Variants in FOCAD observed in about 807,000 individuals in gnomAD.
The protein encoded by FOCAD is focadhesin.
Under a neutral mutation model 225.6 loss-of-function variants are expected in FOCAD, and 198 were observed. The ratio of observed to expected loss-of-function variants is 0.88; its 90% CI spans 0.78 to 0.99. The LOEUF is 0.99. Ranked by LOEUF, FOCAD falls within the 50% of genes least tolerant of loss-of-function variation. FOCAD has a pLI of 0.00. For synonymous variants in FOCAD, 897 were observed against 755.0 expected, an observed-to-expected ratio of 1.19 and a Z score of -3.08; for missense variants, 2,713 against 2,123.6, an observed-to-expected ratio of 1.28 and a Z score of -5.46.
intron 27 of FOCAD, among the ~76,000 whole-genome samples, chr9:20,932,246 C>G (rs1321394704): frequency 2.0e-5 from 3 of 152,076 alleles, no homozygotes; most frequent in African/African-American, 7.2e-5. Context: ...CTGCTATAGT[C>G]TTGGTTTGGG....
chr9:20,870,006 C>T (rs1341863762), intron 18 of FOCAD, among the ~76,000 whole-genome samples: 2 of 152,062 alleles, frequency 1.3e-5, no homozygotes, highest in African/African-American at 4.8e-5. Flanking sequence ...TTCTTTAGCA[C>T]ACCTCCCCAA....
chr9:20,980,057 G>C (rs1840555407), intron 37 of FOCAD, among the ~76,000 whole-genome samples: 1 of 151,806 alleles, frequency 6.6e-6, no homozygotes, highest in Non-Finnish European at 1.5e-5. Flanking sequence ...TCAGACCCAA[G>C]CCACCACCAA....
chr9:20,708,007 A>G (rs1167012440), intron 1 of FOCAD, among the ~76,000 whole-genome samples: 3 of 152,210 alleles, frequency 2.0e-5, no homozygotes, highest in Non-Finnish European at 4.4e-5. Context: ...AGAATGAGAA[A>G]GAGATCCATA....
chr9:20,779,750 CA>C (rs35585761), intron 9 of FOCAD, among the ~76,000 whole-genome samples: 4,780 of 128,070 alleles, frequency 0.037, 245 homozygotes, highest in African/African-American at 0.12. Flanking sequence ...AACTCCGTCT[CA>C]AAAAAAAAAA....
At chr9:20,824,074 A>T (rs902208142) in intron 15 of FOCAD, among the ~76,000 whole-genome samples, 1 of 152,100 alleles carries the variant, frequency 6.6e-6, no homozygotes, top group Non-Finnish European at 1.5e-5. Flanking sequence ...TTAAAAACTG[A>T]TGTGTGGTAA....
intron 15 of FOCAD, among the ~76,000 whole-genome samples, chr9:20,853,063 A>G (rs1044423814): frequency 6.6e-6 from 1 of 151,798 alleles, no homozygotes; most frequent in Non-Finnish European, 1.5e-5. Context: ...ATTTTTTGAC[A>G]TATTCTTCCT....
chr9:20,967,839 A>G (rs1430863672), intron 35 of FOCAD, among the ~76,000 whole-genome samples: 2 of 152,134 alleles, frequency 1.3e-5, no homozygotes, highest in East Asian at 1.9e-4. Flanking sequence ...TGATCACAGT[A>G]TATAATCTTT....
intron 11 of FOCAD, among the ~76,000 whole-genome samples, chr9:20,816,272 A>C (rs1360152638): frequency 6.6e-6 from 1 of 152,180 alleles, no homozygotes; most frequent in East Asian, 1.9e-4. Flanking sequence ...TGCCCTTCTA[A>C]AAACTAAGAA....
At chr9:20,872,566 C>A (rs1829881165) in intron 18 of FOCAD, among the ~76,000 whole-genome samples, 1 of 148,730 alleles carries the variant, frequency 6.7e-6, no homozygotes, top group Admixed American at 6.8e-5. Flanking sequence ...GCCTACATAC[C>A]TTCCTCCCTC....
rs1818058670 is a variant in FOCAD at position 20,770,209 on chromosome 9, T to C, written c.877T>C (p.Leu293=). 6.2e-7 allele frequency: 1 copy of C among 1,614,068 alleles called. No individual in the cohort carries two copies. The highest frequency in any genetic ancestry group is 8.5e-7 in the Non-Finnish European group (1 of 1,179,982). ...TGAATGTTCATCTTCAATTCACCTT[T>C]TAGAGCACAGTGTTGAACTTCTGAA... The part of the protein sequence containing the change: ...TGECSSSIHL[L]EHSVELLKED... Residue 293 remains leucine (L), a synonymous_variant, in exon 8 of 44, where the codon TTA becomes CTA. Coordinates refer to ENST00000338382, the MANE Select transcript of FOCAD (RefSeq NM_001375567.1).
rs760010980 is a variant in FOCAD at position 20,990,286 on chromosome 9, G to A, written c.5168G>A (p.Arg1723Lys). 2.5e-6 allele frequency: 4 copies of A among 1,614,000 alleles called. No homozygotes were observed. Among genetic ancestry groups the A allele is most frequent in the Non-Finnish European group, 3.4e-6 (4 of 1,180,010 alleles). ...PSFLGRSPMH[R>K]VTLQEVLTLL... is the part of the protein sequence containing the mutation. ...TTCCTTGGCAGGAGTCCAATGCACAGGGTCACTCTGCAGGAGGTTCTCACT... is the reference window on the plus strand; with the variant it reads ...TTCCTTGGCAGGAGTCCAATGCACAAGGTCACTCTGCAGGAGGTTCTCACT... Residue 1723 changes from arginine to lysine, a missense_variant, in exon 42 of 44, where the codon AGG (arginine) becomes AAG (lysine). Physicochemically the swap from Arg to Lys is conservative, Grantham distance 26 (BLOSUM62 2). Transcript: ENST00000338382.
chr9:20,761,636 G>C (rs907127196), intron 6 of FOCAD, among the ~76,000 whole-genome samples: 1 of 151,974 alleles, frequency 6.6e-6, no homozygotes, highest in African/African-American at 2.4e-5. Flanking sequence ...TAGCTAGGAT[G>C]GTCTCAATAT....
chr9:20,816,757 A>T (rs1823766073), intron 11 of FOCAD, among the ~76,000 whole-genome samples: 1 of 152,130 alleles, frequency 6.6e-6, no homozygotes, highest in Non-Finnish European at 1.5e-5. Flanking sequence ...TCATCTGTGG[A>T]TTCACCAGCT....
intron 24 of FOCAD, among the ~76,000 whole-genome samples, chr9:20,921,419 ATAGT>A (rs1317502369): frequency 6.6e-6 from 1 of 152,162 alleles, no homozygotes; most frequent in Admixed American, 6.5e-5. Context: ...CTGGTAGGGG[ATAGT>A]TATTTGAGCA....
At chr9:20,837,295 C>T (rs916137432) in intron 15 of FOCAD, among the ~76,000 whole-genome samples, 3 of 151,946 alleles carry the variant, frequency 2.0e-5, no homozygotes, top group African/African-American at 7.3e-5. Flanking sequence ...GGTGTCCAGC[C>T]GTGAGTTTCC....
rs1184655623 is a variant in FOCAD, at chr9:20,684,286, G to A, written c.-40G>A. The A allele has an allele frequency of 6.6e-6, 1 of 152,336 alleles. No individual in the cohort carries two copies. Among genetic ancestry groups the A allele is most frequent in the African/African-American group, 2.4e-5 (1 of 41,450 alleles). The allele number at this position is 152,336 out of a possible 1,614,324, so 9.4% of individuals were successfully genotyped here. A position where few individuals can be genotyped will look rare whatever the true frequency, so the allele number is the denominator to read the frequency against. On this transcript the variant is annotated 5_prime_UTR_variant, in exon 1 of 44. Transcript: ENST00000338382. ...CCGGCGCTGGGCTGAGCTTGTGGCAGAAGGGAGGTAAGCCGTGCGGGGCGG... is the reference window on the plus strand; with the variant it reads ...CCGGCGCTGGGCTGAGCTTGTGGCAAAAGGGAGGTAAGCCGTGCGGGGCGG...
At chr9:20,909,710 G>A (rs1455430287) in intron 22 of FOCAD, among the ~76,000 whole-genome samples, 1 of 152,028 alleles carries the variant, frequency 6.6e-6, no homozygotes, top group Non-Finnish European at 1.5e-5. Flanking sequence ...TGTGATTTAG[G>A]CTATCACTAT....
At chr9:20,828,810 T>C (rs1372815321) in intron 15 of FOCAD, among the ~76,000 whole-genome samples, 1 of 152,010 alleles carries the variant, frequency 6.6e-6, no homozygotes, top group African/African-American at 2.4e-5. Flanking sequence ...CTGACAGTTC[T>C]TGGTATGTGT....
chr9:20,819,928 G>GA, intron 12 of FOCAD, 28 bp downstream of exon 12: 1 of 1,310,600 alleles, frequency 7.6e-7, no homozygotes, highest in Non-Finnish European at 1.1e-6. Flanking sequence ...TTTAGTTGGC[G>GA]AAAAAAGTGA....
Sources: gnomAD v4.1 joint callset for allele counts (sites outside exome capture counted in the v4.1 genomes callset) on GRCh38, gnomAD v4.1.1 for gene constraint, MANE v1.5 for transcripts, NCBI Gene and HGNC (gene_info 2026-07-23, HGNC 2026-07-21) for gene names.